EDIL3: variants seen among roughly 807,000 people sequenced by gnomAD.
The protein encoded by EDIL3 is EGF-like repeat and discoidin I-like domain-containing protein 3.
EDIL3 carries 37 observed loss-of-function variants against 67.4 expected under a neutral mutation model. The observed-to-expected ratio is 0.55, with a 90% CI of 0.42 to 0.72. The LOEUF is 0.72. Among genes scored for constraint, EDIL3 ranks in the 30% least tolerant of loss-of-function variants. EDIL3 has a pLI of 0.00. For synonymous variants in EDIL3, 195 were observed against 196.3 expected, an observed-to-expected ratio of 0.99 and a Z score of 0.05; for missense variants, 527 against 586.3, an observed-to-expected ratio of 0.90 and a Z score of 1.04.
intron 1 of EDIL3, among the ~76,000 whole-genome samples, chr5:84,329,955 G>A (rs1163412594): frequency 6.6e-6 from 1 of 151,998 alleles, no homozygotes. Context: ...AGATTTGCAG[G>A]AGAAATTCCA....
At chr5:84,352,782 A>C (rs978486307) in intron 1 of EDIL3, among the ~76,000 whole-genome samples, 3 of 152,268 alleles carry the variant, frequency 2.0e-5, no homozygotes, top group Admixed American at 1.3e-4. Flanking sequence ...ATAGCCCTAA[A>C]TCCATAAAAA....
At chr5:84,249,719 C>G (rs1423515966) in intron 2 of EDIL3, among the ~76,000 whole-genome samples, 1 of 152,028 alleles carries the variant, frequency 6.6e-6, no homozygotes, top group Non-Finnish European at 1.5e-5. Context: ...ATGGATTACT[C>G]TGATAACACA....
chr5:84,176,812 G>GATAT (rs10694924), intron 4 of EDIL3, among the ~76,000 whole-genome samples: 65,334 of 148,686 alleles, frequency 0.44, 15,903 homozygotes, highest in East Asian at 0.68. Flanking sequence ...ATTCTTCTAT[G>GATAT]ATATATATAT....
chr5:83,984,762 C>T (rs569617333), intron 9 of EDIL3, among the ~76,000 whole-genome samples: 9 of 152,062 alleles, frequency 5.9e-5, no homozygotes, highest in African/African-American at 1.7e-4. Flanking sequence ...ACAGGGTGCA[C>T]GGGATGTCGT....
chr5:84,224,578 T>G (rs1744411958), intron 3 of EDIL3, among the ~76,000 whole-genome samples: 1 of 151,508 alleles, frequency 6.6e-6, no homozygotes, highest in Non-Finnish European at 1.5e-5. Flanking sequence ...CACTGACAAC[T>G]TTGTTAAAAG....
intron 1 of EDIL3, among the ~76,000 whole-genome samples, chr5:84,320,100 T>C (rs536071634): frequency 1.5e-3 from 222 of 152,150 alleles, no homozygotes; most frequent in African/African-American, 5.1e-3. Context: ...TGTATACCTA[T>C]GTAACAAACC....
chr5:84,088,732 G>A (rs2112265664), intron 6 of EDIL3, among the ~76,000 whole-genome samples: 1 of 152,184 alleles, frequency 6.6e-6, no homozygotes, highest in Non-Finnish European at 1.5e-5. Context: ...GGGGAAAAAG[G>A]AGAGCTTGAT....
chr5:84,226,432 AT>A (rs996129774), intron 3 of EDIL3, among the ~76,000 whole-genome samples: 95 of 151,882 alleles, frequency 6.3e-4, no homozygotes, highest in African/African-American at 2.1e-3. Context: ...CCTTTAAAAA[AT>A]TAAGTGTTGA....
intron 6 of EDIL3, among the ~76,000 whole-genome samples, chr5:84,070,434 C>A (rs528335062): frequency 4.6e-5 from 7 of 152,182 alleles, no homozygotes; most frequent in African/African-American, 1.7e-4. Flanking sequence ...GTCTCCTCCC[C>A]CTAAGGGTTT....
intron 9 of EDIL3, among the ~76,000 whole-genome samples, chr5:84,055,530 A>C (rs979218885): frequency 6.6e-6 from 1 of 151,562 alleles, no homozygotes; most frequent in African/African-American, 2.4e-5. Context: ...CAACCTACAG[A>C]ATGGGAGAAA....
intron 5 of EDIL3, among the ~76,000 whole-genome samples, chr5:84,116,443 G>A (rs1436851687): frequency 6.6e-6 from 1 of 152,072 alleles, no homozygotes; most frequent in Non-Finnish European, 1.5e-5. Flanking sequence ...GGTAATACCT[G>A]CATAATCAGA....
chr5:84,350,611 G>A (rs1296934736), intron 1 of EDIL3, among the ~76,000 whole-genome samples: 2 of 151,786 alleles, frequency 1.3e-5, no homozygotes, highest in Non-Finnish European at 2.9e-5. Flanking sequence ...TAAAATTATA[G>A]CATTCTATTA....
intron 1 of EDIL3, among the ~76,000 whole-genome samples, chr5:84,310,776 C>T (rs572507984): frequency 5.3e-5 from 8 of 152,234 alleles, no homozygotes; most frequent in Admixed American, 3.9e-4. Flanking sequence ...ACAAGTCACG[C>T]GTATGGAGCT....
At chr5:84,229,393 T>G (rs1472839072) in intron 3 of EDIL3, among the ~76,000 whole-genome samples, 1 of 152,204 alleles carries the variant, frequency 6.6e-6, no homozygotes, top group Non-Finnish European at 1.5e-5. Flanking sequence ...GCAGACACAG[T>G]ACCCTTAAGC....
intron 5 of EDIL3, 69 bp downstream of exon 5, chr5:84,137,172 T>A: frequency 9.5e-7 from 1 of 1,058,104 alleles, no homozygotes. Context: ...CATATATGTG[T>A]GTGTGTATAC....
chr5:84,138,435 G>A (rs1748130812), intron 4 of EDIL3, among the ~76,000 whole-genome samples: 1 of 152,124 alleles, frequency 6.6e-6, no homozygotes, highest in Non-Finnish European at 1.5e-5. Flanking sequence ...CTCAATAAAT[G>A]TTTCCTGACC....
chr5:84,160,151 G>T (rs1748577792), intron 4 of EDIL3, among the ~76,000 whole-genome samples: 1 of 152,046 alleles, frequency 6.6e-6, no homozygotes, highest in Non-Finnish European at 1.5e-5. Flanking sequence ...TGGTTTTTTT[G>T]ACAGACAACT....
chr5:84,142,120 T>C (rs902081324), intron 4 of EDIL3, among the ~76,000 whole-genome samples: 4 of 151,520 alleles, frequency 2.6e-5, no homozygotes, highest in Non-Finnish European at 4.4e-5. Context: ...GTACAGATTA[T>C]AGCCAAAAGC....
At chr5:84,271,416 C>T (rs966553736) in intron 1 of EDIL3, among the ~76,000 whole-genome samples, 61 of 140,904 alleles carry the variant, frequency 4.3e-4, no homozygotes, top group African/African-American at 1.5e-3. Flanking sequence ...TCTGTCTCTA[C>T]AAATAAATAA....
Sources: allele counts gnomAD v4.1 joint callset (sites outside exome capture counted in the v4.1 genomes callset), GRCh38; gene constraint gnomAD v4.1.1; transcripts MANE v1.5; gene names NCBI Gene and HGNC (gene_info 2026-07-23, HGNC 2026-07-21).